Variants in PPP3CA observed in about 807,000 individuals in gnomAD.
PPP3CA encodes CAM-PRP catalytic subunit.
Under a neutral mutation model 66.5 loss-of-function variants are expected in PPP3CA, and 14 were observed. The observed-to-expected ratio is 0.21, with a 90% CI of 0.14 to 0.33. The LOEUF (loss-of-function observed/expected upper bound fraction) is 0.33, where lower values mean the gene tolerates loss of function less well. Among genes scored for constraint, PPP3CA ranks in the 10% least tolerant of loss-of-function variants. PPP3CA has a pLI of 1.00. For synonymous variants in PPP3CA, 232 were observed against 226.2 expected (o/e 1.03, Z -0.23); for missense variants, 317 against 639.5 (o/e 0.50, Z 5.44).
At chr4:101,123,434 A>G (rs560299615) in intron 2 of PPP3CA, among the ~76,000 whole-genome samples, 1 of 152,302 alleles carries the variant, frequency 6.6e-6, no homozygotes, top group Admixed American at 6.5e-5. Flanking sequence ...ATGAAAGGGA[A>G]TGTTGCTCAC....
chr4:101,340,963 T>C (rs1281086165), intron 1 of PPP3CA, among the ~76,000 whole-genome samples: 2 of 152,188 alleles, frequency 1.3e-5, no homozygotes, highest in Non-Finnish European at 2.9e-5. Flanking sequence ...TTTCTGTGTA[T>C]ATATTTACCT....
intron 1 of PPP3CA, among the ~76,000 whole-genome samples, chr4:101,232,113 TA>T (rs1483191241): frequency 6.6e-6 from 1 of 151,742 alleles, no homozygotes; most frequent in East Asian, 1.9e-4. Flanking sequence ...ATTAATAATT[TA>T]AAATAACATC....
rs80068469 is a variant in PPP3CA at position 101,164,529 on chromosome 4, T to C, written c.259+31387A>G. ...CCTATAAGGTCCTATCAGTTCTGTATAACTTGCTATTTCTAAAAATAATGG... is the reference window on the plus strand; with the variant it reads ...CCTATAAGGTCCTATCAGTTCTGTACAACTTGCTATTTCTAAAAATAATGG... On this transcript the variant is annotated intron_variant, in intron 2 of 13. Transcript: ENST00000394854. Among the ~76,000 whole-genome samples the C allele has an allele frequency of 8.2e-3, 1,242 of 151,372 alleles. 17 individuals are homozygous for C. The highest frequency in any genetic ancestry group is 0.029 in the African/African-American group (1,192 of 41,262).
At chr4:101,318,430 TG>T (rs1483108393) in intron 1 of PPP3CA, among the ~76,000 whole-genome samples, 1 of 152,174 alleles carries the variant, frequency 6.6e-6, no homozygotes, top group Non-Finnish European at 1.5e-5. Context: ...ATCACAGAAG[TG>T]GTAAGCAAAC....
At position 101,176,567 on chromosome 4, in the gene PPP3CA, CA is replaced by C. The variant is rs1724066380; in HGVS notation, c.259+19348del. On this transcript the variant is annotated intron_variant, in intron 2 of 13. Coordinates refer to ENST00000394854, the MANE Select transcript of PPP3CA (RefSeq NM_000944.5). The stretch of plus-strand genomic sequence containing the variant: ...GCTGGAGTAGTCTCTAATTCTCTTC[CA>C]AAAGTAAAATTATATGACTATTTAG... 1.3e-5 allele frequency among the ~76,000 whole-genome samples: 2 copies of C among 151,974 alleles called. 1 individual carries two copies. Among genetic ancestry groups the C allele is most frequent in the South Asian group, 4.2e-4 (2 of 4,816 alleles).
chr4:101,057,536 A>G (rs1461746254), intron 10 of PPP3CA, among the ~76,000 whole-genome samples: 1 of 152,170 alleles, frequency 6.6e-6, no homozygotes, highest in Admixed American at 6.6e-5. Context: ...CTCAATGTTC[A>G]CACTGAACAT....
chr4:101,029,077 C>T, intron 13 of PPP3CA, 89 bp downstream of exon 13: 6 of 1,294,658 alleles, frequency 4.6e-6, no homozygotes, highest in Non-Finnish European at 6.7e-6. Flanking sequence ...CACCCACACA[C>T]TCTGTACAAG....
At chr4:101,319,978 G>C (rs903727248) in intron 1 of PPP3CA, among the ~76,000 whole-genome samples, 2 of 152,062 alleles carry the variant, frequency 1.3e-5, no homozygotes, top group African/African-American at 4.8e-5. Flanking sequence ...GACTATATAA[G>C]ATATTGTGTA....
intron 3 of PPP3CA, chr4:101,107,936 G>A (rs1721490755): frequency 6.6e-6 from 1 of 152,096 alleles, no homozygotes; most frequent in South Asian, 2.1e-4. Context: ...CATGAGGTCT[G>A]ATTCTTTAAA....
chr4:101,179,911 A>G (rs1323440986), intron 2 of PPP3CA, among the ~76,000 whole-genome samples: 1 of 152,096 alleles, frequency 6.6e-6, no homozygotes, highest in Non-Finnish European at 1.5e-5. Context: ...TCTACATTCA[A>G]ATACAAACAT....
At chr4:101,103,387 A>T (rs1730530562) in intron 3 of PPP3CA, among the ~76,000 whole-genome samples, 2 of 152,206 alleles carry the variant, frequency 1.3e-5, no homozygotes, top group African/African-American at 4.8e-5. Flanking sequence ...GAAATATCAA[A>T]TGTAGCTCCT....
intron 2 of PPP3CA, among the ~76,000 whole-genome samples, chr4:101,131,921 A>T (rs1347258797): frequency 6.6e-6 from 1 of 152,242 alleles, no homozygotes; most frequent in Non-Finnish European, 1.5e-5. Context: ...CCACAGTGCA[A>T]TCAAATTAGA....
At chr4:101,274,354 AT>A (rs1430159723) in intron 1 of PPP3CA, among the ~76,000 whole-genome samples, 1 of 152,216 alleles carries the variant, frequency 6.6e-6, no homozygotes, top group Non-Finnish European at 1.5e-5. Flanking sequence ...ATGAGAAAAT[AT>A]GTTCATGTCT....
chr4:101,189,827 G>C (rs1190317392), intron 2 of PPP3CA, among the ~76,000 whole-genome samples: 1 of 151,706 alleles, frequency 6.6e-6, no homozygotes, highest in Non-Finnish European at 1.5e-5. Flanking sequence ...AAGAAAGCAT[G>C]TTCGCTAAAA....
At chr4:101,205,085 G>T (rs1725089831) in intron 1 of PPP3CA, among the ~76,000 whole-genome samples, 1 of 151,604 alleles carries the variant, frequency 6.6e-6, no homozygotes. Flanking sequence ...TGAATTTAAA[G>T]AGAGAGGCTT....
At position 101,347,082 on chromosome 4, in the gene PPP3CA, G is replaced by T. The variant is rs1289983225; in HGVS notation, c.-286C>A. The T allele has an allele frequency of 5.5e-6, 3 of 541,878 alleles. No individual in the cohort carries two copies. The highest frequency in any genetic ancestry group is 9.8e-6 in the Non-Finnish European group (3 of 305,838). The allele number at this position is 541,878 out of a possible 1,614,324, so 33.6% of individuals were successfully genotyped here. On this transcript the variant is annotated 5_prime_UTR_variant, in exon 1 of 14. Transcript: ENST00000394854. ...GGTTATTTATTTATTTTCTGAGCACGCCTCCCGGTTCTTCTTTTATTCTTG... is the reference window on the plus strand; with the variant it reads ...GGTTATTTATTTATTTTCTGAGCACTCCTCCCGGTTCTTCTTTTATTCTTG...
intron 1 of PPP3CA, among the ~76,000 whole-genome samples, chr4:101,223,915 T>G (rs955693283): frequency 6.6e-5 from 10 of 151,686 alleles, no homozygotes; most frequent in Non-Finnish European, 4.4e-5. Context: ...ACCAGAAAAG[T>G]CAACAGTCTC....
chr4:101,244,597 A>C (rs746634586), intron 1 of PPP3CA, among the ~76,000 whole-genome samples: 6 of 152,220 alleles, frequency 3.9e-5, no homozygotes, highest in Non-Finnish European at 7.4e-5. Context: ...CCCCCGTGGT[A>C]GACAAGAGAC....
intron 2 of PPP3CA, among the ~76,000 whole-genome samples, chr4:101,128,320 G>A (rs1044967410): frequency 4.1e-4 from 63 of 152,080 alleles, no homozygotes; most frequent in African/African-American, 1.4e-3. Flanking sequence ...TGATGGATAT[G>A]CTAATTACCT....
Sources: gnomAD v4.1 joint callset for allele counts (sites outside exome capture counted in the v4.1 genomes callset) on GRCh38, gnomAD v4.1.1 for gene constraint, MANE v1.5 for transcripts, NCBI Gene and HGNC (gene_info 2026-07-23, HGNC 2026-07-21) for gene names.